The following DGKB variants were observed in gnomAD, a reference collection of about 807,000 sequenced individuals.
DGKB encodes the protein diacylglycerol kinase beta.
DGKB carries 67 observed loss-of-function variants against 114.3 expected under a neutral mutation model. The observed-to-expected ratio is 0.59, with a 90% CI of 0.48 to 0.72. The LOEUF (loss-of-function observed/expected upper bound fraction) is 0.72. DGKB is among the 30% of genes least tolerant of loss of function. DGKB has a pLI of 0.00. For missense variants in DGKB, 907 were observed against 975.2 expected, an observed-to-expected ratio of 0.93 and a Z score of 0.93; for synonymous variants, 398 against 323.1, an observed-to-expected ratio of 1.23 and a Z score of -2.49.
intron 1 of DGKB, among the ~76,000 whole-genome samples, chr7:14,916,086 C>T (rs1033074877): frequency 6.0e-5 from 9 of 149,514 alleles, no homozygotes; most frequent in Admixed American, 1.3e-4. Flanking sequence ...TGCTGTTATT[C>T]GGTACATGCA....
At chr7:14,825,806 T>C (rs1456879814) in intron 2 of DGKB, among the ~76,000 whole-genome samples, 1 of 152,172 alleles carries the variant, frequency 6.6e-6, no homozygotes, top group African/African-American at 2.4e-5. Flanking sequence ...AATTTTTCCC[T>C]TCCTTAAAAT....
intron 23 of DGKB, among the ~76,000 whole-genome samples, chr7:14,281,457 C>A (rs1420513045): frequency 1.4e-5 from 2 of 144,838 alleles, no homozygotes; most frequent in Non-Finnish European, 3.0e-5. Context: ...ATCAATGAGA[C>A]AGAAAGTCAA....
At chr7:14,172,582 T>G (rs1316255424) in intron 25 of DGKB, among the ~76,000 whole-genome samples, 2 of 152,234 alleles carry the variant, frequency 1.3e-5, no homozygotes, top group Middle Eastern at 3.4e-3. Context: ...GGTTTCACTA[T>G]CTCAGTATGA....
At position 14,394,097 on chromosome 7, in the gene DGKB, A is replaced by G. The variant is rs1030935110; in HGVS notation, c.1836-48706T>C. Among the ~76,000 whole-genome samples, 12 of 152,302 alleles carry G rather than the reference A, an allele frequency of 7.9e-5. 2 individuals carry two copies. Among genetic ancestry groups the G allele is most frequent in the Admixed American group, 2.0e-4 (3 of 15,296 alleles). On this transcript the variant is annotated intron_variant, in intron 21 of 25. Coordinates refer to ENST00000402815, the MANE Select transcript of DGKB (RefSeq NM_001350709.2). ...GGTATCTAGAAATCAGTGATGGAAA[A>G]GATCAATTAGGTCATTTAGCTCCTT...
At chr7:14,744,042 CT>C (rs148718765) in intron 4 of DGKB, among the ~76,000 whole-genome samples, 19 of 152,096 alleles carry the variant, frequency 1.2e-4, no homozygotes, top group African/African-American at 4.3e-4. Flanking sequence ...CTGAAGTAAT[CT>C]TTTTTTAAAA....
At chr7:14,719,658 G>C (rs932048789) in intron 5 of DGKB, among the ~76,000 whole-genome samples, 1 of 151,896 alleles carries the variant, frequency 6.6e-6, no homozygotes, top group Admixed American at 6.6e-5. Context: ...ACCTGACTGC[G>C]TATGTCTCAC....
intron 20 of DGKB, among the ~76,000 whole-genome samples, chr7:14,506,307 T>C (rs1003581908): frequency 2.0e-5 from 3 of 152,204 alleles, no homozygotes; most frequent in African/African-American, 7.2e-5. Context: ...GACCTTCATA[T>C]GATGTAAAAG....
intron 21 of DGKB, among the ~76,000 whole-genome samples, chr7:14,473,100 G>C (rs1352799514): frequency 6.6e-6 from 1 of 152,154 alleles, no homozygotes; most frequent in Admixed American, 6.5e-5. Flanking sequence ...GACAATGGGG[G>C]AAAATGTCTC....
chr7:14,532,044 A>G (rs552518615), intron 20 of DGKB, among the ~76,000 whole-genome samples: 7 of 151,468 alleles, frequency 4.6e-5, no homozygotes, highest in Non-Finnish European at 8.9e-5. Context: ...ATCCAAATAA[A>G]TGGATCATGT....
At chr7:14,601,961 A>C (rs1585051193) in intron 17 of DGKB, among the ~76,000 whole-genome samples, 3 of 145,024 alleles carry the variant, frequency 2.1e-5, no homozygotes, top group Admixed American at 1.4e-4. Flanking sequence ...CTCCTCCTCT[A>C]CCTCCTCTTC....
chr7:14,701,743 A>C lies in DGKB; in HGVS notation c.467-13T>G. ...AGGCGAAACATAACTAGAATGAAAG[A>C]GGTGTTGAAAACAAGATTATAGGCA... On this transcript the variant is annotated splice_polypyrimidine_tract_variant and intron_variant, in intron 6 of 25. Transcript: ENST00000402815. 1 of 1,595,300 alleles carries C rather than the reference A, an allele frequency of 6.3e-7. No homozygotes were observed. Among genetic ancestry groups the C allele is most frequent in the Non-Finnish European group, 8.6e-7 (1 of 1,163,138 alleles).
At chr7:14,629,240 A>G (rs1181020785) in intron 14 of DGKB, among the ~76,000 whole-genome samples, 1 of 152,098 alleles carries the variant, frequency 6.6e-6, no homozygotes, top group African/African-American at 2.4e-5. Flanking sequence ...TTATAATAAT[A>G]ATTGTGATAA....
At position 14,783,339 on chromosome 7, in the gene DGKB, C is replaced by T. The variant is rs535505548; in HGVS notation, c.71-25608G>A. 1.5e-4 allele frequency among the ~76,000 whole-genome samples: 23 copies of T among 152,196 alleles called. No individual in the cohort carries two copies. The South Asian group carries it at 3.3e-3, about 22-fold the overall frequency. Reference sequence around the variant, plus strand: ...CAAAACTCGGATTCACTTGTCACACCGCATAAATGAAAGAGGAAGAAATAT... The same window carrying T: ...CAAAACTCGGATTCACTTGTCACACTGCATAAATGAAAGAGGAAGAAATAT... On this transcript the variant is annotated intron_variant, in intron 2 of 25. Transcript: ENST00000402815.
intron 23 of DGKB, chr7:14,209,572 C>A: frequency 2.1e-6 from 1 of 486,634 alleles, no homozygotes; most frequent in Non-Finnish European, 4.3e-6. Context: ...AATGGGGGCT[C>A]CAGAGGTTCA....
intron 21 of DGKB, among the ~76,000 whole-genome samples, chr7:14,361,049 G>A (rs1815637781): frequency 6.6e-6 from 1 of 151,800 alleles, no homozygotes. Flanking sequence ...TATATTCTGT[G>A]AAGACTACCA....
intron 23 of DGKB, among the ~76,000 whole-genome samples, chr7:14,204,835 A>G (rs1786494005): frequency 6.6e-6 from 1 of 152,038 alleles, no homozygotes; most frequent in African/African-American, 2.4e-5. Context: ...AAAGAAATGT[A>G]TTACTATAAA....
chr7:14,320,514 C>CAT (rs559418321), intron 23 of DGKB, among the ~76,000 whole-genome samples: 3 of 151,878 alleles, frequency 2.0e-5, no homozygotes, highest in Admixed American at 6.6e-5. Context: ...ATCTTTTCCA[C>CAT]ATATATATAT....
At chr7:14,856,854 G>T (rs7794154) in intron 1 of DGKB, among the ~76,000 whole-genome samples, 116,085 of 152,040 alleles carry the variant, frequency 0.76, 44,697 homozygotes, top group South Asian at 0.82. Context: ...TCCCAAACTG[G>T]ACTTACTTTA....
chr7:14,452,335 C>T (rs1163550807), intron 21 of DGKB, among the ~76,000 whole-genome samples: 2 of 152,000 alleles, frequency 1.3e-5, no homozygotes, highest in African/African-American at 4.8e-5. Flanking sequence ...AATCTATTAA[C>T]AACCTTATTC....
Sources: gnomAD v4.1 joint callset for allele counts (sites outside exome capture counted in the v4.1 genomes callset) on GRCh38, gnomAD v4.1.1 for gene constraint, MANE v1.5 for transcripts, NCBI Gene and HGNC (gene_info 2026-07-23, HGNC 2026-07-21) for gene names.